Variants in CAPZA1 observed in about 807,000 individuals in gnomAD.
CAPZA1 encodes F-actin-capping protein subunit alpha-1.
A neutral mutation model predicts 40.8 loss-of-function variants in CAPZA1; 10 were observed. The observed-to-expected ratio is 0.25, with a 90% confidence interval of 0.15 to 0.42. The LOEUF is 0.42. CAPZA1 is among the 10% of genes least tolerant of loss of function. The pLI is 1.00. For missense variants in CAPZA1, 277 were observed against 353.8 expected (o/e 0.78, Z 1.74); for synonymous variants, 98 against 115.0 (o/e 0.85, Z 0.95).
intron 1 of CAPZA1, among the ~76,000 whole-genome samples, chr1:112,631,231 T>G (rs968758037): frequency 1.3e-5 from 2 of 152,244 alleles, no homozygotes; most frequent in African/African-American, 4.8e-5. Context: ...ATGAATTGTT[T>G]TGTGGTTTGT....
chr1:112,659,772 A>C lies in CAPZA1; in HGVS notation c.578A>C (p.Lys193Thr). Residue 193 changes from lysine (K) to threonine (T), a missense_variant, in exon 7 of 10, where the codon AAG (lysine) becomes ACG (threonine). By Grantham distance (78) the Lys-to-Thr change is moderately conservative. Coordinates refer to ENST00000263168, the MANE Select transcript of CAPZA1 (RefSeq NM_006135.3). ...ACAGCCCAGGTGGTTGGCGTGCTTA[A>C]GATTCAGGTGAGATTCCAACATGTT... ...PPTAQVVGVLKIQVHYYEDGN... is the reference protein window; with the variant it reads ...PPTAQVVGVLTIQVHYYEDGN... 6.2e-7 allele frequency: 1 copy of C among 1,612,718 alleles called. No homozygotes were observed. The highest frequency in any genetic ancestry group is 8.5e-7 in the Non-Finnish European group (1 of 1,178,870).
At chr1:112,658,916 G>T in intron 5 of CAPZA1, 106 bp from the exon 6 acceptor site, 1 of 813,530 alleles carries the variant, frequency 1.2e-6, no homozygotes, top group Non-Finnish European at 2.1e-6. Flanking sequence ...CATTTTATGT[G>T]ATTCTTTGTC....
intron 1 of CAPZA1, among the ~76,000 whole-genome samples, chr1:112,642,955 G>A (rs913177815): frequency 6.6e-6 from 1 of 152,050 alleles, no homozygotes; most frequent in Non-Finnish European, 1.5e-5. Context: ...TTGATAGTGT[G>A]TGAATATGTA....
rs762177718 is a variant in CAPZA1 at position 112,647,210 on chromosome 1, G to GTAC, written c.41_43dup (p.Val14_Arg15insLeu). The GTAC allele has an allele frequency of 4.0e-6, 6 of 1,495,704 alleles. No homozygotes were observed. Among genetic ancestry groups the GTAC allele is most frequent in the Non-Finnish European group, 5.4e-6 (6 of 1,107,916 alleles). 92.7% of individuals were successfully genotyped at this position (1,495,704 alleles called of 1,614,324 possible). ...AAGTGTAAATTTTGTTTCTCTTTAG[G>GTAC]TACGCATAGCTGCTAAATTCATCAC... is the stretch of plus-strand genomic sequence containing the variant. On this transcript the variant is annotated inframe_insertion and splice_region_variant, in exon 2 of 10. Transcript: ENST00000263168.
Position 112,659,307 on chromosome 1 carries a change from G to A in CAPZA1, c.506+206G>A, listed in dbSNP as rs1671557003. 3.5e-5 allele frequency: 20 copies of A among 568,122 alleles called. No individual in the cohort carries two copies. The South Asian group carries it at 4.5e-4, about 13-fold the overall frequency. The allele number at this position is 568,122 out of a possible 1,614,324, so 35.2% of individuals were successfully genotyped here. A position where few individuals can be genotyped will look rare whatever the true frequency, so the allele number is the denominator to read the frequency against. On this transcript the variant is annotated intron_variant, in intron 6 of 9. Transcript: ENST00000263168. The stretch of plus-strand genomic sequence containing the variant: ...TTACTCTTATTTTGAGTGAGAACAA[G>A]TGATTAGTAAAGTGCCCTGTTGAAA...
rs987374507 is a variant in CAPZA1, at chr1:112,633,396, CTTG to C, written c.39+13520_39+13522del. On this transcript the variant is annotated intron_variant, in intron 1 of 9. Transcript: ENST00000263168. ...TTAGCATATATCTTTCAGGTCCATC[CTTG>C]TTGTTGCAAAAGACAGAATTTCCTT... 5.2e-4 allele frequency among the ~76,000 whole-genome samples: 79 copies of C among 152,244 alleles called. 1 individual carries two copies. Among genetic ancestry groups the C allele is most frequent in the Non-Finnish European group, 5.9e-4 (40 of 68,002 alleles).
intron 1 of CAPZA1, among the ~76,000 whole-genome samples, chr1:112,639,764 G>A (rs1207569582): frequency 1.3e-5 from 2 of 152,050 alleles, no homozygotes; most frequent in Non-Finnish European, 2.9e-5. Flanking sequence ...AAATTGGCCA[G>A]CCGCCCCGTC....
intron 5 of CAPZA1, among the ~76,000 whole-genome samples, chr1:112,656,677 C>T (rs529845753): frequency 6.6e-6 from 1 of 151,972 alleles, no homozygotes; most frequent in South Asian, 2.1e-4. Context: ...CTACTGTGTC[C>T]TTAGCTATCA....
intron 1 of CAPZA1, chr1:112,634,827 A>G (rs1223919923): frequency 1.3e-5 from 2 of 152,182 alleles, no homozygotes; most frequent in Non-Finnish European, 2.9e-5. Context: ...CTTTAGGGAG[A>G]GGATGTGGTT....
At chr1:112,628,360 A>G (rs185438667) in intron 1 of CAPZA1, among the ~76,000 whole-genome samples, 28 of 152,244 alleles carry the variant, frequency 1.8e-4, no homozygotes. Context: ...TGATCAGGAT[A>G]CTAAACCAGG....
chr1:112,648,085 C>G (rs1451730136), intron 2 of CAPZA1, among the ~76,000 whole-genome samples: 3 of 152,154 alleles, frequency 2.0e-5, no homozygotes, highest in Admixed American at 1.3e-4. Context: ...TATGATATTC[C>G]TTTGTACCTG....
chr1:112,646,284 A>G (rs550321436), intron 1 of CAPZA1, among the ~76,000 whole-genome samples: 4 of 152,330 alleles, frequency 2.6e-5, no homozygotes, highest in East Asian at 3.9e-4. Flanking sequence ...CTTGTGTTTA[A>G]AGTTGATGAC....
intron 1 of CAPZA1, among the ~76,000 whole-genome samples, chr1:112,626,787 A>G (rs2101137806): frequency 6.6e-6 from 1 of 152,358 alleles, no homozygotes; most frequent in Admixed American, 6.5e-5. Context: ...AGCAGTGTGT[A>G]AAATTTATCT....
rs368745152 is a variant in CAPZA1 at position 112,619,929 on chromosome 1, C to A, written c.39+46C>A. On this transcript the variant is annotated intron_variant, in intron 1 of 9. Coordinates refer to ENST00000263168, the MANE Select transcript of CAPZA1 (RefSeq NM_006135.3). ...TCTTACCTCCTCCCCCGACAGGGAA[C>A]TGGGGCCCGGCCCGGCTGCGTTGGG... The A allele has an allele frequency of 1.4e-5, 21 of 1,525,852 alleles. No individual in the cohort carries two copies. In the African/African-American group the frequency reaches 2.3e-4, roughly 17 times the overall value. The allele number at this position is 1,525,852 out of a possible 1,614,324, so 94.5% of individuals were successfully genotyped here. A position where few individuals can be genotyped will look rare whatever the true frequency, so the allele number is the denominator to read the frequency against.
chr1:112,668,697 G>T (rs1671772584), intron 8 of CAPZA1, among the ~76,000 whole-genome samples: 1 of 152,010 alleles, frequency 6.6e-6, no homozygotes, highest in African/African-American at 2.4e-5. Context: ...TGTTGACCAG[G>T]CTTGTCTTGA....
intron 1 of CAPZA1, among the ~76,000 whole-genome samples, chr1:112,635,159 A>C (rs927037058): frequency 3.1e-4 from 47 of 152,188 alleles, no homozygotes; most frequent in African/African-American, 9.7e-4. Flanking sequence ...TAAGCATTCA[A>C]ATACACTTTG....
At chr1:112,621,346 G>T (rs1459961349) in intron 1 of CAPZA1, among the ~76,000 whole-genome samples, 1 of 151,038 alleles carries the variant, frequency 6.6e-6, no homozygotes, top group Non-Finnish European at 1.5e-5. Flanking sequence ...CCGCCTCCCT[G>T]GTTCAAATTA....
rs1335259059 is a variant in CAPZA1 at position 112,619,864 on chromosome 1, G to A, written c.20G>A (p.Arg7His). The A allele has an allele frequency of 1.7e-5, 28 of 1,612,738 alleles. No homozygotes were observed. Among genetic ancestry groups the A allele is most frequent in the Non-Finnish European group, 2.2e-5 (26 of 1,179,472 alleles). Residue 7 changes from arginine (R) to histidine (H), a missense_variant, in exon 1 of 10, where the codon CGT (arginine) becomes CAT (histidine). By Grantham distance (29) the Arg-to-His change is conservative. Transcript: ENST00000263168. Reference protein sequence around the residue: MADFDDRVSDEEKVRIA... With the variant: MADFDDHVSDEEKVRIA... ...CCCAAGATGGCCGACTTCGATGATC[G>A]TGTGTCGGATGAGGAGAAGGTAAGG...
intron 3 of CAPZA1, among the ~76,000 whole-genome samples, chr1:112,650,369 A>G (rs1191479418): frequency 1.3e-5 from 2 of 152,190 alleles, no homozygotes; most frequent in Non-Finnish European, 2.9e-5. Flanking sequence ...CAAACGTAGA[A>G]TTTGCACAGC....
Sources: allele counts gnomAD v4.1 joint callset (sites outside exome capture counted in the v4.1 genomes callset), GRCh38; gene constraint gnomAD v4.1.1; transcripts MANE v1.5; gene names NCBI Gene and HGNC (gene_info 2026-07-23, HGNC 2026-07-21).